The following RPL6 variants were observed in gnomAD, a reference collection of about 807,000 sequenced individuals.
The protein encoded by RPL6 is ribosomal protein L6, also known as large ribosomal subunit protein eL6.
A neutral mutation model predicts 32.1 loss-of-function variants in RPL6; 1 was observed. The ratio of observed to expected loss-of-function variants is 0.03; its 90% CI spans 0.01 to 0.15. RPL6 has a LOEUF of 0.15. Ranked by LOEUF, RPL6 falls within the 10% of genes least tolerant of loss-of-function variation. The pLI is 1.00. For missense variants in RPL6, 275 were observed against 354.6 expected (o/e 0.78, Z 1.80); for synonymous variants, 126 against 131.6 (o/e 0.96, Z 0.29).
rs192084767 is a variant in RPL6, at chr12:112,418,064, C to A, written c.-229+664G>T. 4.6e-5 allele frequency among the ~76,000 whole-genome samples: 7 copies of A among 152,106 alleles called. No individual in the cohort carries two copies. The East Asian group carries it at 1.2e-3, about 25-fold the overall frequency. On this transcript the variant is annotated intron_variant, in intron 1 of 5. Coordinates refer to the RPL6 transcript ENST00000551291. Reference sequence around the variant, plus strand: ...GCGCGATCTCGGCTCAATGCAACCTCTGCCTCCCGGGTTCAAGCGATTCTC... The same window carrying A: ...GCGCGATCTCGGCTCAATGCAACCTATGCCTCCCGGGTTCAAGCGATTCTC...
chr12:112,415,344 G>C (rs1417531136), upstream of RPL6, among the ~76,000 whole-genome samples: 1 of 152,162 alleles, frequency 6.6e-6, no homozygotes, highest in Non-Finnish European at 1.5e-5. Context: ...CAAAGTGGGA[G>C]GACTGCTTGA....
chr12:112,411,769 T>C (rs1446659796), upstream of RPL6, among the ~76,000 whole-genome samples: 3 of 152,212 alleles, frequency 2.0e-5, no homozygotes, highest in Admixed American at 6.6e-5. Context: ...CAAAATACCA[T>C]GTTAGTTATA....
chr12:112,411,205 A>C (rs751998892), upstream of RPL6: 1 of 152,232 alleles, frequency 6.6e-6, no homozygotes, highest in African/African-American at 2.4e-5. Flanking sequence ...AAAAATAAGA[A>C]TATTTATTAT....
At chr12:112,410,710 ATTACAG>A (rs2037331243), upstream of RPL6, among the ~76,000 whole-genome samples, 1 of 151,400 alleles carries the variant, frequency 6.6e-6, no homozygotes, top group Admixed American at 6.6e-5. Context: ...AGTAGCAGGG[ATTACAG>A]GCGCACACCA....
chr12:112,408,306 T>C lies in RPL6; in HGVS notation c.270A>G (p.Ala90=), dbSNP rs1297374100. 1.2e-6 allele frequency: 2 copies of C among 1,614,230 alleles called. No individual in the cohort carries two copies. The highest frequency in any genetic ancestry group is 1.7e-5 in the Admixed American group (1 of 60,020). Residue 90 remains alanine, a synonymous_variant, in exon 3 of 7, where the codon GCA becomes GCG. Coordinates refer to ENST00000202773, the MANE Select transcript of RPL6 (RefSeq NM_000970.6). ...VEKKKKEKVL[A]TVTKPVGGDK... ...CACCACCAACTGGTTTTGTAACAGT[T>C]GCGAGAACCTTCTCCTTCTTTTTCT... is the stretch of plus-strand genomic sequence containing the variant.
upstream of RPL6, among the ~76,000 whole-genome samples, chr12:112,413,182 T>C (rs1399305593): frequency 6.6e-6 from 1 of 152,178 alleles, no homozygotes; most frequent in East Asian, 1.9e-4. Flanking sequence ...GAGAAAGAAA[T>C]TCAAATAAAG....
At chr12:112,409,041 T>A in intron 1 of RPL6, 1 of 242,614 alleles carries the variant, frequency 4.1e-6, no homozygotes. Flanking sequence ...AATCCCTTAC[T>A]TTCAGTACCT....
At chr12:112,413,876 AAAGG>A (rs2135810127), upstream of RPL6, among the ~76,000 whole-genome samples, 1 of 152,220 alleles carries the variant, frequency 6.6e-6, no homozygotes, top group Non-Finnish European at 1.5e-5. Flanking sequence ...AAAAAAAAAA[AAAGG>A]AAGACAATGA....
chr12:112,417,246 C>T (rs539785122), intron 1 of RPL6, among the ~76,000 whole-genome samples: 3 of 151,830 alleles, frequency 2.0e-5, no homozygotes, highest in East Asian at 1.9e-4. Context: ...TTAGTTGAGA[C>T]GGGGTCTCAC....
At chr12:112,407,409 A>T (rs1002594077) in intron 3 of RPL6, 1 of 154,064 alleles carries the variant, frequency 6.5e-6, no homozygotes, top group African/African-American at 2.4e-5. Context: ...ACATGACTAC[A>T]AATAACTCAC....
At chr12:112,406,725 C>T (rs1313443165) in intron 4 of RPL6, 22 bp downstream of exon 4, 1 of 1,613,362 alleles carries the variant, frequency 6.2e-7, no homozygotes, top group South Asian at 1.1e-5. Context: ...CAGTGAAGCG[C>T]CCCAAGCACA....
Position 112,405,989 on chromosome 12 carries a change from A to G in RPL6, c.578T>C (p.Phe193Ser). 2 of 1,614,126 alleles carry G rather than the reference A, an allele frequency of 1.2e-6. No homozygotes were observed. The highest frequency in any genetic ancestry group is 1.7e-6 in the Non-Finnish European group (2 of 1,179,998). The change falls in exon 6 of 7, where the codon TTT (phenylalanine) becomes TCT (serine). Residue 193 changes from phenylalanine (F) to serine (S), a missense_variant. Coordinates refer to ENST00000202773, the MANE Select transcript of RPL6 (RefSeq NM_000970.6). Reference protein sequence around the residue: ...RVPLRRTHQKFVIATSTKIDI... With the variant: ...RVPLRRTHQKSVIATSTKIDI... ...GATTTTGGTTGAAGTGGCAATGACAAATTTCTGGTGTGTTCTTCGTAGAGG... is the reference window on the plus strand; with the variant it reads ...GATTTTGGTTGAAGTGGCAATGACAGATTTCTGGTGTGTTCTTCGTAGAGG...
chr12:112,407,858 G>A, intron 3 of RPL6: 1 of 187,246 alleles, frequency 5.3e-6, no homozygotes, highest in Non-Finnish European at 1.1e-5. Context: ...CTCCAGAGCA[G>A]CTGGGACTAC....
intron 6 of RPL6, 92 bp from the exon 7 acceptor site, chr12:112,405,468 C>T: frequency 1.6e-6 from 2 of 1,242,580 alleles, no homozygotes; most frequent in South Asian, 1.4e-5. Context: ...AGTACTAATC[C>T]CCAAGAATAT....
chr12:112,409,696 A>G (rs768540365), upstream of RPL6: 1 of 391,340 alleles, frequency 2.6e-6, no homozygotes, highest in Non-Finnish European at 4.5e-6. Flanking sequence ...GGAATGTAGT[A>G]TTTCCCCGTT....
intron 1 of RPL6, chr12:112,409,040 C>A (rs1224946187): frequency 1.6e-5 from 4 of 243,266 alleles, no homozygotes; most frequent in Non-Finnish European, 3.1e-5. Context: ...AAATCCCTTA[C>A]TTTCAGTACC....
chr12:112,415,756 G>A (rs901058380), intron 1 of RPL6, among the ~76,000 whole-genome samples: 30 of 151,536 alleles, frequency 2.0e-4, no homozygotes, highest in South Asian at 4.2e-4. Flanking sequence ...AGGGACAGGG[G>A]TCTTACTCTG....
chr12:112,409,561 C>T (rs1004734627), intron 1 of RPL6, 26 bp downstream of exon 1: 14 of 398,660 alleles, frequency 3.5e-5, no homozygotes, highest in Non-Finnish European at 5.7e-5. Context: ...GAACTCAAGT[C>T]TTGCAGACAG....
At chr12:112,411,995 T>G (rs1370888198), upstream of RPL6, among the ~76,000 whole-genome samples, 1 of 151,872 alleles carries the variant, frequency 6.6e-6, no homozygotes, top group Non-Finnish European at 1.5e-5. Context: ...TTCTCCTGCC[T>G]CAGCCTCTTG....
Sources: gnomAD v4.1 joint callset for allele counts (sites outside exome capture counted in the v4.1 genomes callset) on GRCh38, gnomAD v4.1.1 for gene constraint, MANE v1.5 for transcripts, NCBI Gene and HGNC (gene_info 2026-07-23, HGNC 2026-07-21) for gene names.